The following IPO7 variants were observed in gnomAD, a reference collection of about 807,000 sequenced individuals.
IPO7 encodes the protein importin 7, also known as importin-7.
In IPO7, 13 loss-of-function variants were observed where a neutral mutation model predicts 136.4. The observed-to-expected ratio is 0.10, with a 90% CI of 0.06 to 0.15. IPO7 has a LOEUF of 0.15. Among genes scored for constraint, IPO7 ranks in the 10% least tolerant of loss-of-function variants. The pLI, the probability that IPO7 is intolerant of heterozygous loss-of-function variation, is 1.00. For synonymous variants in IPO7, 403 were observed against 404.4 expected, an observed-to-expected ratio of 1.00 and a Z score of 0.04; for missense variants, 857 against 1,240.6, an observed-to-expected ratio of 0.69 and a Z score of 4.65.
chr11:9,431,099 C>A, intron 16 of IPO7, 96 bp downstream of exon 16: 1 of 915,022 alleles, frequency 1.1e-6, no homozygotes, highest in Non-Finnish European at 1.7e-6. Context: ...CATGTTTTTG[C>A]CATTTTCCCT....
chr11:9,391,641 T>C (rs11042327), intron 1 of IPO7, among the ~76,000 whole-genome samples: 2 of 152,142 alleles, frequency 1.3e-5, no homozygotes, highest in African/African-American at 4.8e-5. Flanking sequence ...GAGGCAGAGC[T>C]TGCGGTGAGC....
intron 12 of IPO7, among the ~76,000 whole-genome samples, chr11:9,426,014 C>G (rs11042348): frequency 0.46 from 70,097 of 151,854 alleles, 18,015 homozygotes; most frequent in Non-Finnish European, 0.58. Flanking sequence ...CCACTGCACT[C>G]CATGCTCCAG....
At chr11:9,415,399 A>G (rs1855026180) in intron 5 of IPO7, among the ~76,000 whole-genome samples, 1 of 152,210 alleles carries the variant, frequency 6.6e-6, no homozygotes, top group Admixed American at 6.5e-5. Flanking sequence ...CTTGATATGC[A>G]AAATATACAT....
chr11:9,444,643 G>A (rs971956774), intron 24 of IPO7, among the ~76,000 whole-genome samples: 1 of 151,748 alleles, frequency 6.6e-6, no homozygotes, highest in African/African-American at 2.4e-5. Context: ...AGACCAACCT[G>A]GCCAACATGG....
At chr11:9,386,154 A>G (rs547227716) in intron 1 of IPO7, among the ~76,000 whole-genome samples, 46 of 152,376 alleles carry the variant, frequency 3.0e-4, no homozygotes, top group African/African-American at 1.0e-3. Context: ...TTACAGTTCA[A>G]GAAGACTACC....
At chr11:9,412,958 C>G (rs138443537) in intron 4 of IPO7, among the ~76,000 whole-genome samples, 569 of 145,508 alleles carry the variant, frequency 3.9e-3, no homozygotes, top group African/African-American at 0.014. Context: ...TGGCTCACTG[C>G]AAGCTCTGCC....
chr11:9,436,401 G>C, intron 20 of IPO7, 35 bp downstream of exon 20: 1 of 1,388,568 alleles, frequency 7.2e-7, no homozygotes, highest in South Asian at 1.2e-5. Flanking sequence ...TAGTTCAGAG[G>C]GGTAATCTTT....
chr11:9,414,694 C>T (rs977886419), intron 5 of IPO7: 14 of 140,942 alleles, frequency 9.9e-5, no homozygotes, highest in African/African-American at 2.5e-4. Context: ...GGCGTGATCT[C>T]GGCTCACTGC....
chr11:9,408,702 T>G, intron 3 of IPO7, 63 bp downstream of exon 3: 2 of 1,003,990 alleles, frequency 2.0e-6, no homozygotes, highest in Non-Finnish European at 2.7e-6. Flanking sequence ...TTTTGTTTTT[T>G]GGTTTTTTTT....
intron 12 of IPO7, among the ~76,000 whole-genome samples, chr11:9,426,131 T>G (rs1488350233): frequency 2.6e-5 from 4 of 152,202 alleles, no homozygotes; most frequent in Non-Finnish European, 4.4e-5. Flanking sequence ...GTTGTATAAC[T>G]ATCACCCCCA....
chr11:9,387,594 G>A (rs1854568992), intron 1 of IPO7, among the ~76,000 whole-genome samples: 1 of 152,250 alleles, frequency 6.6e-6, no homozygotes, highest in African/African-American at 2.4e-5. Context: ...CATTTTGTGA[G>A]GCTGAGGCGG....
At chr11:9,435,853 T>C (rs996617595) in intron 19 of IPO7, among the ~76,000 whole-genome samples, 21 of 152,212 alleles carry the variant, frequency 1.4e-4, no homozygotes, top group African/African-American at 5.1e-4. Flanking sequence ...TTTGTGTTAT[T>C]GTTGTTTTCT....
chr11:9,439,134 AG>A (rs1855425408), intron 22 of IPO7, among the ~76,000 whole-genome samples: 1 of 151,986 alleles, frequency 6.6e-6, no homozygotes, highest in Non-Finnish European at 1.5e-5. Context: ...TTTTCCTTTG[AG>A]ACGGAGTTTT....
intron 1 of IPO7, chr11:9,392,336 TC>T (rs1283504750): frequency 3.6e-6 from 1 of 280,206 alleles, no homozygotes. Flanking sequence ...CATTACCACG[TC>T]CGGCTAATTT....
Position 9,414,402 on chromosome 11 carries a change from T to A in IPO7, c.627T>A (p.Ala209=), listed in dbSNP as rs768489608. 1 of 1,601,568 alleles carries A rather than the reference T, an allele frequency of 6.2e-7. No individual in the cohort carries two copies. Among genetic ancestry groups the A allele is most frequent in the Non-Finnish European group, 8.5e-7 (1 of 1,174,350 alleles). Residue 209 remains alanine, a synonymous_variant, in exon 5 of 25, where the codon GCT becomes GCA. Coordinates refer to ENST00000379719, the MANE Select transcript of IPO7 (RefSeq NM_006391.3). ...IQKQIFKIFY[A]LVQYTLPLEL... ...AACAGATATTCAAGATCTTCTATGC[T>A]CTTGTTCAGGTAATATCTGTGAAGC...
intron 4 of IPO7, among the ~76,000 whole-genome samples, chr11:9,412,836 A>C (rs1854986335): frequency 6.6e-6 from 1 of 151,458 alleles, no homozygotes; most frequent in African/African-American, 2.4e-5. Flanking sequence ...TCTCCAAAAA[A>C]AAAAGGATAC....
chr11:9,414,772 C>T (rs1047280450), intron 5 of IPO7, among the ~76,000 whole-genome samples: 4 of 151,304 alleles, frequency 2.6e-5, no homozygotes, highest in African/African-American at 7.3e-5. Context: ...ATTACAGGCA[C>T]GTGCCACCAC....
chr11:9,395,076 T>C (rs976288724), intron 1 of IPO7, among the ~76,000 whole-genome samples: 1 of 152,156 alleles, frequency 6.6e-6, no homozygotes, highest in Non-Finnish European at 1.5e-5. Context: ...CCAGAAGTTA[T>C]ATTTATATTT....
In IPO7 at chr11:9,446,117, G is replaced by T. The variant is rs1385524924; in HGVS notation, c.*923G>T. 1 of 152,036 alleles carries T rather than the reference G, an allele frequency of 6.6e-6. No homozygotes were observed. The highest frequency in any genetic ancestry group is 1.5e-5 in the Non-Finnish European group (1 of 68,002). 9.4% of individuals were successfully genotyped at this position (152,036 alleles called of 1,614,324 possible). A position where few individuals can be genotyped will look rare whatever the true frequency, so the allele number is the denominator to read the frequency against. On this transcript the variant is annotated 3_prime_UTR_variant, in exon 25 of 25. Transcript: ENST00000379719. ...CCTTACTGTAAAAAATAAAAAAGGT[G>T]GTATCTAGAGCATGTAAATTGGATA...
Sources: allele counts gnomAD v4.1 joint callset (sites outside exome capture counted in the v4.1 genomes callset), GRCh38; gene constraint gnomAD v4.1.1; transcripts MANE v1.5; gene names NCBI Gene and HGNC (gene_info 2026-07-23, HGNC 2026-07-21).